ADAM12: variants seen among roughly 807,000 people sequenced by gnomAD.
The protein encoded by ADAM12 is ADAM metallopeptidase domain 12, also known as disintegrin and metalloproteinase domain-containing protein 12.
Under a neutral mutation model 106.4 loss-of-function variants are expected in ADAM12, and 70 were observed. The observed-to-expected ratio is 0.66, with a 90% CI of 0.54 to 0.80. The LOEUF is 0.80. Among genes scored for constraint, ADAM12 ranks in the 30% least tolerant of loss-of-function variants. The pLI is 0.00. For missense variants in ADAM12, 1,010 were observed against 1,171.9 expected, an observed-to-expected ratio of 0.86 and a Z score of 2.02; for synonymous variants, 420 against 433.5, an observed-to-expected ratio of 0.97 and a Z score of 0.39.
At position 126,388,043 on chromosome 10, in the gene ADAM12, A is replaced by G. The variant is rs372834990; in HGVS notation, c.88+15T>C. ...GGCGGGGCGGGCAGCGAGCCGCCCT[A>G]GTTCGGCGACTTACCTCGGGCCTCG... On this transcript the variant is annotated intron_variant, in intron 1 of 22. Transcript: ENST00000448723. The surrounding 1 kb of genome is among the most constrained non-coding windows in gnomAD (Gnocchi z 4.4). The G allele has an allele frequency of 1.2e-3, 1,410 of 1,211,864 alleles. 22 individuals carry two copies. In the African/African-American group the frequency reaches 0.02, roughly 17 times the overall value. 75.1% of individuals were successfully genotyped at this position (1,211,864 alleles called of 1,614,324 possible).
intron 11 of ADAM12, among the ~76,000 whole-genome samples, chr10:126,089,422 T>C (rs1309766251): frequency 6.6e-6 from 1 of 152,174 alleles, no homozygotes; most frequent in African/African-American, 2.4e-5. Flanking sequence ...ACACCAGAAC[T>C]AAACTAGAAT....
intron 1 of ADAM12, among the ~76,000 whole-genome samples, chr10:126,352,596 T>C (rs1855400183): frequency 6.6e-6 from 1 of 152,232 alleles, no homozygotes; most frequent in South Asian, 2.1e-4. Context: ...GCTATGCATG[T>C]AATTACTTAA....
intron 21 of ADAM12, among the ~76,000 whole-genome samples, chr10:126,032,953 TCAAAAC>T (rs1217446439): frequency 6.6e-6 from 1 of 152,100 alleles, no homozygotes; most frequent in Admixed American, 6.5e-5. Flanking sequence ...AATTCAATAT[TCAAAAC>T]CAGAATTATT....
At chr10:126,243,810 A>G (rs1404371493) in intron 3 of ADAM12, among the ~76,000 whole-genome samples, 1 of 152,154 alleles carries the variant, frequency 6.6e-6, no homozygotes, top group Non-Finnish European at 1.5e-5. Context: ...GACCATGGCT[A>G]TTTTTCAGAG....
At position 126,110,215 on chromosome 10, in the gene ADAM12, T is replaced by C. The variant is rs560491655; in HGVS notation, c.604-375A>G. Among the ~76,000 whole-genome samples, 4 of 151,972 alleles carry C rather than the reference T, an allele frequency of 2.6e-5. No homozygotes were observed. In the East Asian group the frequency reaches 7.8e-4, roughly 29 times the overall value. On this transcript the variant is annotated intron_variant, in intron 6 of 22. Coordinates refer to ENST00000448723, the MANE Select transcript of ADAM12 (RefSeq NM_001288973.2). ...TCATTTATTTCAGACCACGTGTAGG[T>C]CTTCTCTGATGACCACATTTGAAGG...
chr10:126,292,475 T>C (rs1960195792), intron 2 of ADAM12, among the ~76,000 whole-genome samples: 1 of 152,222 alleles, frequency 6.6e-6, no homozygotes, highest in African/African-American at 2.4e-5. Flanking sequence ...CCCTGAGCTG[T>C]TTTATTAATG....
chr10:126,363,201 A>C (rs1354220837), intron 1 of ADAM12, among the ~76,000 whole-genome samples: 1 of 152,242 alleles, frequency 6.6e-6, no homozygotes. Flanking sequence ...CTAGGAAAAG[A>C]TAAGTTATCT....
rs1203126927 is a variant in ADAM12 at position 126,064,284 on chromosome 10, A to G, written c.1609+522T>C. ...ACACACTCATGCTTCAAGTCTGATCAGGGCCTTCCCCATGGAGCCCTGGGC... is the reference window on the plus strand; with the variant it reads ...ACACACTCATGCTTCAAGTCTGATCGGGGCCTTCCCCATGGAGCCCTGGGC... On this transcript the variant is annotated intron_variant, in intron 14 of 22. Transcript: ENST00000448723. This position sits in a 1 kb window ranked among gnomAD's most constrained non-coding sequence, Gnocchi z 4.4. Among the ~76,000 whole-genome samples, 1 of 152,188 alleles carries G rather than the reference A, an allele frequency of 6.6e-6. No homozygotes were observed. Among genetic ancestry groups the G allele is most frequent in the Non-Finnish European group, 1.5e-5 (1 of 68,038 alleles).
chr10:126,249,693 C>CA (rs1021529624), intron 3 of ADAM12, among the ~76,000 whole-genome samples: 12 of 151,532 alleles, frequency 7.9e-5, no homozygotes, highest in East Asian at 3.9e-4. Flanking sequence ...GACTCCGTCT[C>CA]AAAAAAAAGA....
intron 5 of ADAM12, among the ~76,000 whole-genome samples, chr10:126,119,844 C>T (rs1056024155): frequency 4.6e-5 from 7 of 152,146 alleles, no homozygotes; most frequent in South Asian, 2.1e-4. Context: ...ATGGGAACCT[C>T]GGCCTGCAGC....
chr10:126,081,296 A>G (rs1300046481), intron 11 of ADAM12, among the ~76,000 whole-genome samples: 1 of 152,224 alleles, frequency 6.6e-6, no homozygotes, highest in African/African-American at 2.4e-5. Context: ...TGGAGCCGAC[A>G]TAACTGTGTG....
intron 3 of ADAM12, among the ~76,000 whole-genome samples, chr10:126,256,024 T>C (rs11244909): frequency 0.51 from 77,694 of 151,918 alleles, 21,389 homozygotes; most frequent in Non-Finnish European, 0.62. Context: ...CCACGGCTGG[T>C]AGTTAGGACC....
At chr10:126,379,999 G>A (rs1456322642) in intron 1 of ADAM12, among the ~76,000 whole-genome samples, 1 of 152,114 alleles carries the variant, frequency 6.6e-6, no homozygotes, top group African/African-American at 2.4e-5. Context: ...TCCAGGAGTA[G>A]GTAAACAGAC....
At chr10:126,194,875 G>A (rs1371936030) in intron 3 of ADAM12, among the ~76,000 whole-genome samples, 13 of 152,184 alleles carry the variant, frequency 8.5e-5, no homozygotes, top group Admixed American at 7.9e-4. Context: ...TTGTCTCAAC[G>A]GGATAATCAG....
At chr10:126,277,734 T>C (rs1959337483) in intron 3 of ADAM12, among the ~76,000 whole-genome samples, 1 of 152,132 alleles carries the variant, frequency 6.6e-6, no homozygotes, top group Admixed American at 6.5e-5. Context: ...AAACACCTCA[T>C]TTCTTGTTTC....
At chr10:126,171,389 CA>C (rs1156594510) in intron 3 of ADAM12, among the ~76,000 whole-genome samples, 2 of 152,078 alleles carry the variant, frequency 1.3e-5, no homozygotes, top group East Asian at 3.9e-4. Context: ...AAAACCGTGG[CA>C]GGGGTGGTTA....
rs115766955 is a variant in ADAM12, at chr10:126,280,744, A to G, written c.187-1756T>C. On this transcript the variant is annotated intron_variant, in intron 2 of 22. Transcript: ENST00000448723. ...TACTTTAAATAGTTATTTAAACTTG[A>G]GAGTTAAATTGGTGAATTTCCAGAT... 2.8e-3 allele frequency among the ~76,000 whole-genome samples: 423 copies of G among 152,280 alleles called. 2 individuals are homozygous for G. Among genetic ancestry groups the G allele is most frequent in the African/African-American group, 9.4e-3 (389 of 41,544 alleles).
Position 126,066,826 on chromosome 10 carries a change from T to C in ADAM12, c.1324-20A>G. On this transcript the variant is annotated intron_variant, in intron 12 of 22. Coordinates refer to ENST00000448723, the MANE Select transcript of ADAM12 (RefSeq NM_001288973.2). The surrounding 1 kb of genome is among the most constrained non-coding windows in gnomAD (Gnocchi z 5.1). ...ACATTCCTGGAAAGGGGAATGGCATTTGTTTGACAGGGTCTTATGGAGTAT... is the reference window on the plus strand; with the variant it reads ...ACATTCCTGGAAAGGGGAATGGCATCTGTTTGACAGGGTCTTATGGAGTAT... 6.2e-7 allele frequency: 1 copy of C among 1,606,556 alleles called. No individual in the cohort carries two copies. Among genetic ancestry groups the C allele is most frequent in the South Asian group, 1.1e-5 (1 of 90,892 alleles).
intron 3 of ADAM12, among the ~76,000 whole-genome samples, chr10:126,232,074 T>G (rs1406294668): frequency 6.6e-6 from 1 of 152,096 alleles, no homozygotes; most frequent in African/African-American, 2.4e-5. Context: ...AATACTGGCC[T>G]CCCCAAAGAT....
Sources: gnomAD v4.1 joint callset for allele counts (sites outside exome capture counted in the v4.1 genomes callset) on GRCh38, gnomAD v4.1.1 for gene constraint, Gnocchi (gnomAD v3.1) non-coding constraint, MANE v1.5 for transcripts, NCBI Gene and HGNC (gene_info 2026-07-23, HGNC 2026-07-21) for gene names.